PPHLN1: variants seen among roughly 807,000 people sequenced by gnomAD.
PPHLN1 encodes periphilin-1.
A neutral mutation model predicts 51.3 loss-of-function variants in PPHLN1; 29 were observed. That is an observed-to-expected ratio of 0.57 (90% CI 0.42 to 0.77). PPHLN1 has a LOEUF of 0.77. Among genes scored for constraint, PPHLN1 ranks in the 30% least tolerant of loss-of-function variants. The pLI is 0.00. For synonymous variants in PPHLN1, 147 were observed against 147.8 expected (o/e 0.99, Z 0.04); for missense variants, 436 against 438.4 (o/e 0.99, Z 0.05).
At position 42,374,884 on chromosome 12, in the gene PPHLN1, A is replaced by G; in HGVS notation, c.321A>G (p.Arg107=). 6.2e-7 allele frequency: 1 copy of G among 1,611,644 alleles called. No homozygotes were observed. Among genetic ancestry groups the G allele is most frequent in the South Asian group, 1.1e-5 (1 of 90,678 alleles). The change falls in exon 5 of 10, where the codon AGA becomes AGG. Residue 107 remains arginine (R), a synonymous_variant. Transcript: ENST00000358314. ...AAAGGGACATGAGAGATGGCTTTAG[A>G]AGAAAAAGTTTCTACTCTTCCCATT... is the stretch of plus-strand genomic sequence containing the variant. ...PEYRDMRDGF[R]RKSFYSSHYA...
At chr12:42,404,552 A>AC (rs200429895) in intron 9 of PPHLN1, among the ~76,000 whole-genome samples, 21 of 151,992 alleles carry the variant, frequency 1.4e-4, no homozygotes, top group Admixed American at 3.9e-4. Context: ...AACAACAACA[A>AC]AAATATTTCA....
chr12:42,389,079 A>C (rs995218471), intron 7 of PPHLN1, among the ~76,000 whole-genome samples: 1 of 152,198 alleles, frequency 6.6e-6, no homozygotes, highest in African/African-American at 2.4e-5. Flanking sequence ...TCTACTAAAA[A>C]TACAAAGAAT....
intron 1 of PPHLN1, among the ~76,000 whole-genome samples, chr12:42,329,556 GATACT>G (rs1289417944): frequency 6.6e-6 from 1 of 152,042 alleles, no homozygotes; most frequent in Non-Finnish European, 1.5e-5. Context: ...AATAATCTAA[GATACT>G]ATATAGTGTA....
At chr12:42,372,717 T>C (rs2138718166) in intron 4 of PPHLN1, among the ~76,000 whole-genome samples, 1 of 152,314 alleles carries the variant, frequency 6.6e-6, no homozygotes, top group African/African-American at 2.4e-5. Context: ...GACAAATTTA[T>C]ATTGATAGCC....
At chr12:42,392,904 C>A (rs143391521) in intron 7 of PPHLN1, among the ~76,000 whole-genome samples, 10 of 152,184 alleles carry the variant, frequency 6.6e-5, no homozygotes, top group Admixed American at 1.3e-4. Context: ...ATTATTAACC[C>A]CTATTTTGTA....
At chr12:42,421,615 T>G (rs1174016206) in intron 9 of PPHLN1, among the ~76,000 whole-genome samples, 1 of 152,314 alleles carries the variant, frequency 6.6e-6, no homozygotes, top group Non-Finnish European at 1.5e-5. Flanking sequence ...TCCAAAGTGC[T>G]GGGATTACAA....
At chr12:42,432,582 A>C (rs1592990248) in intron 9 of PPHLN1, among the ~76,000 whole-genome samples, 1 of 152,182 alleles carries the variant, frequency 6.6e-6, no homozygotes, top group East Asian at 1.9e-4. Context: ...ACCTGAATAA[A>C]ATCCTCCACA....
chr12:42,355,235 A>C lies in PPHLN1; in HGVS notation c.299+13A>C, dbSNP rs750986947. On this transcript the variant is annotated intron_variant, in intron 4 of 9. Coordinates refer to ENST00000358314, the MANE Select transcript of PPHLN1 (RefSeq NM_201439.2). Reference sequence around the variant, plus strand: ...AACCTGAATACAGGTAAAAGGATAAAAATAATAGCATAAGTACTTTGATAC... The same window carrying C: ...AACCTGAATACAGGTAAAAGGATAACAATAATAGCATAAGTACTTTGATAC... 6.2e-7 allele frequency: 1 copy of C among 1,607,062 alleles called. No homozygotes were observed. Among genetic ancestry groups the C allele is most frequent in the Non-Finnish European group, 8.5e-7 (1 of 1,173,836 alleles).
chr12:42,398,928 A>G lies in PPHLN1; in HGVS notation c.843A>G (p.Leu281=). Residue 281 remains leucine (L), a synonymous_variant, in exon 9 of 10, where the codon TTA becomes TTG. Transcript: ENST00000358314. The stretch of plus-strand genomic sequence containing the variant: ...CAAACACAACACATGGGATAGAATT[A>G]TTTGAAGATAGTCAGCTAACCACTC... ...PESNTTHGIE[L]FEDSQLTTRS... is the part of the protein sequence containing the mutation. 2 of 1,614,170 alleles carry G rather than the reference A, an allele frequency of 1.2e-6. No individual in the cohort carries two copies. The highest frequency in any genetic ancestry group is 1.7e-6 in the Non-Finnish European group (2 of 1,179,978).
intron 2 of PPHLN1, among the ~76,000 whole-genome samples, chr12:42,340,249 CA>C (rs898359033): frequency 1.2e-4 from 17 of 146,396 alleles, no homozygotes; most frequent in Admixed American, 9.8e-4. Flanking sequence ...GTTGAGGCTG[CA>C]GTGAGCTGTG....
intron 5 of PPHLN1, among the ~76,000 whole-genome samples, chr12:42,384,438 A>G (rs2077023295): frequency 6.6e-6 from 1 of 152,188 alleles, no homozygotes; most frequent in Non-Finnish European, 1.5e-5. Flanking sequence ...AAATATATCA[A>G]GATTCTAAGT....
At chr12:42,363,362 A>T (rs2138506536) in intron 4 of PPHLN1, among the ~76,000 whole-genome samples, 1 of 151,274 alleles carries the variant, frequency 6.6e-6, no homozygotes, top group African/African-American at 2.4e-5. Flanking sequence ...GTTTGCCACC[A>T]CTGGGTGGGT....
At chr12:42,354,669 T>TATCA (rs141099744) in intron 3 of PPHLN1, among the ~76,000 whole-genome samples, 5,116 of 152,236 alleles carry the variant, frequency 0.034, 288 homozygotes, top group African/African-American at 0.12. Context: ...TGATATAGAT[T>TATCA]ATCAATAAGT....
rs1669937 is a variant in PPHLN1, at chr12:42,418,349, G to A, written c.909+19355G>A. ...CAGAATATTTTGAAACTCAGCCTCC[G>A]TAACCAAATGGAGTATTGCAATAAT... is the stretch of plus-strand genomic sequence containing the variant. On this transcript the variant is annotated intron_variant, in intron 9 of 9. Transcript: ENST00000358314. Among the ~76,000 whole-genome samples the A allele has an allele frequency of 4.6e-3, 689 of 150,704 alleles. 4 individuals are homozygous for A. The highest frequency in any genetic ancestry group is 7.8e-3 in the Non-Finnish European group (528 of 67,828).
intron 9 of PPHLN1, among the ~76,000 whole-genome samples, chr12:42,414,216 G>A (rs1262947464): frequency 6.6e-6 from 1 of 151,750 alleles, no homozygotes; most frequent in African/African-American, 2.4e-5. Flanking sequence ...TGTATTTTTA[G>A]TAGAGAGGGG....
intron 5 of PPHLN1, among the ~76,000 whole-genome samples, chr12:42,378,090 CTCTTTCTTTCTTTCTT>C (rs57255344): frequency 0.11 from 14,833 of 140,818 alleles, 838 homozygotes; most frequent in South Asian, 0.22. Context: ...ATCTATCTTT[CTCTTTCTTTCTTTCTT>C]TCTTTCTTTC....
intron 9 of PPHLN1, chr12:42,433,415 C>T (rs1796395): frequency 0.33 from 107,321 of 323,592 alleles, 19,392 homozygotes; most frequent in Non-Finnish European, 0.39. Flanking sequence ...TTCTGCCTCC[C>T]GGGTTCATGC....
intron 9 of PPHLN1, among the ~76,000 whole-genome samples, chr12:42,411,202 T>C (rs1184776853): frequency 6.6e-6 from 1 of 152,042 alleles, no homozygotes; most frequent in Non-Finnish European, 1.5e-5. Flanking sequence ...TCTAAGTCTT[T>C]AATTGTATTT....
At chr12:42,433,079 A>G in intron 9 of PPHLN1, 1 of 813,852 alleles carries the variant, frequency 1.2e-6, no homozygotes, top group South Asian at 1.3e-5. Context: ...TGACAGTTTT[A>G]TTTTTATTGA....
Sources: gnomAD v4.1 joint callset for allele counts (sites outside exome capture counted in the v4.1 genomes callset) on GRCh38, gnomAD v4.1.1 for gene constraint, MANE v1.5 for transcripts, NCBI Gene and HGNC (gene_info 2026-07-23, HGNC 2026-07-21) for gene names.